ADAMTSL3: variants seen among roughly 807,000 people sequenced by gnomAD.
ADAMTSL3 encodes the protein ADAMTS-like protein 3.
A neutral mutation model predicts 201.7 loss-of-function variants in ADAMTSL3; 128 were observed. The ratio of observed to expected loss-of-function variants is 0.63; its 90% CI spans 0.55 to 0.73. The LOEUF is 0.73. ADAMTSL3 is among the 30% of genes least tolerant of loss of function. The pLI, the probability that ADAMTSL3 is intolerant of heterozygous loss-of-function variation, is 0.00. For synonymous variants in ADAMTSL3, 738 were observed against 748.4 expected (o/e 0.99, Z 0.23); for missense variants, 1,990 against 2,119.6 (o/e 0.94, Z 1.20).
At chr15:83,950,028 G>A (rs1410121449) in intron 19 of ADAMTSL3, among the ~76,000 whole-genome samples, 4 of 151,954 alleles carry the variant, frequency 2.6e-5, no homozygotes, top group Non-Finnish European at 4.4e-5. Context: ...GATCCCATTT[G>A]TCCATTTTTA....
In ADAMTSL3 at chr15:83,899,643, T is replaced by G. The variant is rs1185139886; in HGVS notation, c.1616-4T>G. ...GCTCATTGTTTATGTTCTCTTTTTC[T>G]TAGAAAAAAGTCCAGTGGAAGCAAA... On this transcript the variant is annotated splice_polypyrimidine_tract_variant and splice_region_variant and intron_variant, in intron 14 of 29. Coordinates refer to ENST00000286744, the MANE Select transcript of ADAMTSL3 (RefSeq NM_207517.3). 1.2e-6 allele frequency: 2 copies of G among 1,609,864 alleles called. No individual in the cohort carries two copies. The highest frequency in any genetic ancestry group is 1.7e-6 in the Non-Finnish European group (2 of 1,177,478).
At chr15:83,907,553 CCAT>C (rs1481920693) in intron 15 of ADAMTSL3, among the ~76,000 whole-genome samples, 1 of 152,168 alleles carries the variant, frequency 6.6e-6, no homozygotes, top group African/African-American at 2.4e-5. Flanking sequence ...GCATGCACCA[CCAT>C]ACCTGGCTAA....
At chr15:83,815,609 G>A (rs986629810) in intron 5 of ADAMTSL3, among the ~76,000 whole-genome samples, 6 of 152,224 alleles carry the variant, frequency 3.9e-5, no homozygotes, top group Non-Finnish European at 5.9e-5. Context: ...GTCTTGAGCT[G>A]GGACATGGGA....
chr15:84,023,656 G>A (rs923343840), intron 26 of ADAMTSL3, among the ~76,000 whole-genome samples: 37 of 152,266 alleles, frequency 2.4e-4, no homozygotes, highest in African/African-American at 6.3e-4. Context: ...TTTTCAAAAC[G>A]CGGAGAGAAT....
chr15:84,002,936 C>CTTTTTTTTTTTTTTTTTTTTTTTTTT (rs368176543), intron 23 of ADAMTSL3, among the ~76,000 whole-genome samples: 6 of 99,986 alleles, frequency 6.0e-5, no homozygotes, highest in East Asian at 3.0e-4. Flanking sequence ...CTTTTCTTTT[C>CTTTTTTTTTTTTTTTTTTTTTTTTTT]TTTTTTTTTT....
At chr15:83,914,357 C>A (rs919117940) in intron 16 of ADAMTSL3, among the ~76,000 whole-genome samples, 2 of 152,260 alleles carry the variant, frequency 1.3e-5, no homozygotes, top group Non-Finnish European at 2.9e-5. Context: ...GCCTGAACCC[C>A]TCACTCTTGA....
rs1399736257 is a variant in ADAMTSL3 at position 83,831,397 on chromosome 15, G to C, written c.601-6692G>C. 2.6e-5 allele frequency among the ~76,000 whole-genome samples: 4 copies of C among 152,182 alleles called. No homozygotes were observed. In the East Asian group the frequency reaches 7.7e-4, roughly 29 times the overall value. ...TCAAAAAGTATGAATCAGAAGAATA[G>C]AGGGAAAGATACAACTACAGCCAGA... On this transcript the variant is annotated intron_variant, in intron 6 of 29. Transcript: ENST00000286744.
intron 6 of ADAMTSL3, among the ~76,000 whole-genome samples, chr15:83,834,973 G>T (rs1567177908): frequency 6.6e-6 from 1 of 152,108 alleles, no homozygotes; most frequent in East Asian, 1.9e-4. Flanking sequence ...TGTGGTTCAC[G>T]CTTGTAATCC....
At chr15:83,767,921 C>T (rs1293528172) in intron 3 of ADAMTSL3, among the ~76,000 whole-genome samples, 1 of 152,148 alleles carries the variant, frequency 6.6e-6, no homozygotes, top group East Asian at 1.9e-4. Context: ...AGAGCTATGT[C>T]CCACACATTT....
At chr15:83,777,974 A>G (rs1263218824) in intron 4 of ADAMTSL3, among the ~76,000 whole-genome samples, 1 of 152,228 alleles carries the variant, frequency 6.6e-6, no homozygotes, top group East Asian at 1.9e-4. Context: ...TCGTAATGCA[A>G]TCACAAGTAT....
intron 16 of ADAMTSL3, among the ~76,000 whole-genome samples, chr15:83,920,508 ATAT>A (rs1257932818): frequency 6.6e-6 from 1 of 152,200 alleles, no homozygotes; most frequent in African/African-American, 2.4e-5. Context: ...GATCCATAAA[ATAT>A]TATGCTTCAC....
At chr15:83,817,973 G>A (rs2063795287) in intron 5 of ADAMTSL3, among the ~76,000 whole-genome samples, 1 of 152,110 alleles carries the variant, frequency 6.6e-6, no homozygotes, top group South Asian at 2.1e-4. Context: ...ACTTGAACCT[G>A]GGAGGTCCAG....
intron 17 of ADAMTSL3, 45 bp from the exon 18 acceptor site, chr15:83,942,551 G>T: frequency 6.4e-7 from 1 of 1,565,610 alleles, no homozygotes; most frequent in South Asian, 1.1e-5. Context: ...GTTGCACGTT[G>T]GTTTATTGGA....
chr15:83,811,149 T>C (rs2063689024), intron 5 of ADAMTSL3, among the ~76,000 whole-genome samples: 1 of 152,216 alleles, frequency 6.6e-6, no homozygotes, highest in Admixed American at 6.5e-5. Context: ...TTTAGTTATA[T>C]GTGCAAAGAT....
chr15:83,858,097 G>T (rs898061117), intron 7 of ADAMTSL3, among the ~76,000 whole-genome samples: 2 of 152,140 alleles, frequency 1.3e-5, no homozygotes, highest in Non-Finnish European at 2.9e-5. Context: ...AAATATTTTA[G>T]CCTTATTGAG....
At chr15:83,967,792 G>T (rs1025070540) in intron 19 of ADAMTSL3, among the ~76,000 whole-genome samples, 2 of 150,808 alleles carry the variant, frequency 1.3e-5, no homozygotes. Flanking sequence ...ATACTACAAG[G>T]CTACAGAAAC....
At chr15:83,735,068 A>G (rs1181399249) in intron 3 of ADAMTSL3, among the ~76,000 whole-genome samples, 1 of 152,182 alleles carries the variant, frequency 6.6e-6, no homozygotes, top group Non-Finnish European at 1.5e-5. Flanking sequence ...CACTATGCAA[A>G]TCTTGTAGAA....
chr15:83,943,158 G>T, intron 19 of ADAMTSL3, 76 bp downstream of exon 19: 1 of 1,476,816 alleles, frequency 6.8e-7, no homozygotes, highest in Non-Finnish European at 9.0e-7. Context: ...ATTTCCACAA[G>T]ATCAGGCTGG....
rs1300519147 is a variant in ADAMTSL3 at position 83,668,058 on chromosome 15, A to G, written c.69+12228A>G. The stretch of plus-strand genomic sequence containing the variant: ...CTACTCTATTCATTTTCTGTCTCGT[A>G]CCCCATGTCCTCTTTATGCTGCTCT... On this transcript the variant is annotated intron_variant, in intron 2 of 29. Coordinates refer to ENST00000286744, the MANE Select transcript of ADAMTSL3 (RefSeq NM_207517.3). Among the ~76,000 whole-genome samples, 6 of 152,228 alleles carry G rather than the reference A, an allele frequency of 3.9e-5. No individual in the cohort carries two copies. In the Middle Eastern group the frequency reaches 0.014, roughly 345 times the overall value.
Sources: allele counts gnomAD v4.1 joint callset (sites outside exome capture counted in the v4.1 genomes callset), GRCh38; gene constraint gnomAD v4.1.1; transcripts MANE v1.5; gene names NCBI Gene and HGNC (gene_info 2026-07-23, HGNC 2026-07-21).